Variants in HSD17B2 observed in about 807,000 individuals in gnomAD.
The protein encoded by HSD17B2 is 17-beta-hydroxysteroid dehydrogenase type 2.
Under a neutral mutation model 26.9 loss-of-function variants are expected in HSD17B2, and 32 were observed. That is an observed-to-expected ratio of 1.19 (90% CI 0.90 to 1.60). The LOEUF (loss-of-function observed/expected upper bound fraction) is 1.60, where lower values mean the gene tolerates loss of function less well. HSD17B2 is among the 40% of genes most tolerant of loss of function. The pLI, the probability that HSD17B2 is intolerant of heterozygous loss-of-function variation, is 0.00. For missense variants in HSD17B2, 613 were observed against 468.6 expected, an observed-to-expected ratio of 1.31 and a Z score of -2.85; for synonymous variants, 246 against 186.7, an observed-to-expected ratio of 1.32 and a Z score of -2.59.
intron 1 of HSD17B2, among the ~76,000 whole-genome samples, chr16:82,057,118 T>A (rs1274558682): frequency 6.6e-6 from 1 of 151,902 alleles, no homozygotes; most frequent in Admixed American, 6.6e-5. Context: ...AAGAGATAAA[T>A]CTCCTGTGCA....
At chr16:82,083,462 T>A (rs866250118) in intron 3 of HSD17B2, among the ~76,000 whole-genome samples, 46 of 152,194 alleles carry the variant, frequency 3.0e-4, no homozygotes, top group African/African-American at 9.9e-4. Context: ...AACCTCTGAG[T>A]TGCAGCCTCC....
chr16:82,078,089 A>G (rs1401387569), intron 3 of HSD17B2, among the ~76,000 whole-genome samples: 2 of 152,200 alleles, frequency 1.3e-5, no homozygotes, highest in African/African-American at 2.4e-5. Context: ...CAAAGTGAAG[A>G]GACAACCCAC....
chr16:82,067,031 C>T (rs182049408), intron 1 of HSD17B2, among the ~76,000 whole-genome samples: 1 of 152,182 alleles, frequency 6.6e-6, no homozygotes, highest in African/African-American at 2.4e-5. Context: ...GGATTTTAGT[C>T]CTGCACATGT....
chr16:82,052,846 A>T (rs911799145), intron 1 of HSD17B2, among the ~76,000 whole-genome samples: 1 of 152,214 alleles, frequency 6.6e-6, no homozygotes, highest in Non-Finnish European at 1.5e-5. Flanking sequence ...GCAGAAATTT[A>T]TTCACTCACA....
chr16:82,082,407 A>G (rs1283150729), intron 3 of HSD17B2, among the ~76,000 whole-genome samples: 1 of 152,166 alleles, frequency 6.6e-6, no homozygotes, highest in Non-Finnish European at 1.5e-5. Flanking sequence ...CAGCTTTTTG[A>G]ATATGCATAT....
chr16:82,091,738 T>G (rs1290069718), intron 4 of HSD17B2: 3 of 153,062 alleles, frequency 2.0e-5, no homozygotes, highest in Admixed American at 6.5e-5. Flanking sequence ...GGGGTTGTCA[T>G]GCATCCAGAG....
intron 1 of HSD17B2, among the ~76,000 whole-genome samples, chr16:82,051,640 G>A (rs1315325871): frequency 1.3e-5 from 2 of 152,166 alleles, no homozygotes; most frequent in African/African-American, 4.8e-5. Flanking sequence ...ACACTAGGGT[G>A]ACGAGTTGAT....
intron 1 of HSD17B2, among the ~76,000 whole-genome samples, chr16:82,060,909 C>T (rs1170955764): frequency 6.6e-6 from 1 of 152,110 alleles, no homozygotes; most frequent in Non-Finnish European, 1.5e-5. Context: ...CTTTTTGGTT[C>T]CAGAAACTGG....
intron 1 of HSD17B2, among the ~76,000 whole-genome samples, chr16:82,062,302 T>A (rs1914461921): frequency 6.6e-6 from 1 of 152,226 alleles, no homozygotes; most frequent in Non-Finnish European, 1.5e-5. Flanking sequence ...AGAGACAGAA[T>A]GATCCCAAAT....
intron 2 of HSD17B2, among the ~76,000 whole-genome samples, chr16:82,068,711 GA>G (rs913347902): frequency 6.6e-6 from 1 of 151,556 alleles, no homozygotes; most frequent in Admixed American, 6.6e-5. Context: ...CTCCAGCTTC[GA>G]AAAAAAATAC....
At chr16:82,060,051 C>T (rs886828826) in intron 1 of HSD17B2, among the ~76,000 whole-genome samples, 5 of 152,172 alleles carry the variant, frequency 3.3e-5, no homozygotes, top group Admixed American at 3.3e-4. Flanking sequence ...AAGAGTTGAG[C>T]TTTTATTTTG....
chr16:82,046,460 C>A (rs780926910), intron 1 of HSD17B2, among the ~76,000 whole-genome samples: 2 of 152,144 alleles, frequency 1.3e-5, no homozygotes, highest in Admixed American at 6.6e-5. Context: ...CGGTGGCTCA[C>A]GCCTGTAATC....
chr16:82,042,270 G>C (rs896121862), intron 1 of HSD17B2, among the ~76,000 whole-genome samples: 1 of 151,750 alleles, frequency 6.6e-6, no homozygotes, highest in African/African-American at 2.4e-5. Context: ...CTCCCAAAGC[G>C]CTGGGATTAC....
At chr16:82,041,886 C>A (rs8056343) in intron 1 of HSD17B2, among the ~76,000 whole-genome samples, 17,213 of 152,120 alleles carry the variant, frequency 0.11, 3,250 homozygotes, top group African/African-American at 0.39. Context: ...TGACATTCTT[C>A]TGAGCTCCTG....
chr16:82,051,385 A>G (rs111576109), intron 1 of HSD17B2, among the ~76,000 whole-genome samples: 1 of 152,344 alleles, frequency 6.6e-6, no homozygotes, highest in East Asian at 1.9e-4. Context: ...AAGACCATGG[A>G]CTAAAAAGGA....
intron 3 of HSD17B2, chr16:82,071,374 T>C (rs1355331026): frequency 1.8e-6 from 1 of 550,402 alleles, no homozygotes; most frequent in Non-Finnish European, 3.3e-6. Context: ...GGTTCTTATA[T>C]GTCTTTATAA....
chr16:82,088,746 C>A (rs1474295549), intron 3 of HSD17B2, among the ~76,000 whole-genome samples: 1 of 152,174 alleles, frequency 6.6e-6, no homozygotes, highest in Non-Finnish European at 1.5e-5. Context: ...AATCCGCTGG[C>A]CATCTGTGGC....
At chr16:82,047,779 C>A (rs1913979896) in intron 1 of HSD17B2, among the ~76,000 whole-genome samples, 1 of 152,204 alleles carries the variant, frequency 6.6e-6, no homozygotes, top group Admixed American at 6.5e-5. Context: ...CTTTCTGATT[C>A]TTCTTTTGAC....
Position 82,076,182 on chromosome 16 carries a change from C to T in HSD17B2, c.664+5055C>T, listed in dbSNP as rs181476769. Among the ~76,000 whole-genome samples, 33 of 152,030 alleles carry T rather than the reference C, an allele frequency of 2.2e-4. No homozygotes were observed. The South Asian group carries it at 6.0e-3, about 28-fold the overall frequency. ...AAAGCATCTGATAAAATTCAACATC[C>T]CTTTATGATAAAAACCCTCAATTAA... On this transcript the variant is annotated intron_variant, in intron 3 of 4. Coordinates refer to ENST00000199936, the MANE Select transcript of HSD17B2 (RefSeq NM_002153.3).
Sources: allele counts gnomAD v4.1 joint callset (sites outside exome capture counted in the v4.1 genomes callset), GRCh38; gene constraint gnomAD v4.1.1; transcripts MANE v1.5; gene names NCBI Gene and HGNC (gene_info 2026-07-23, HGNC 2026-07-21).